The following TOM1L1 variants were observed in gnomAD, a reference collection of about 807,000 sequenced individuals.
The protein encoded by TOM1L1 is target of myb1 like 1 membrane trafficking protein, also known as TOM1-like protein 1.
Under a neutral mutation model 63.4 loss-of-function variants are expected in TOM1L1, and 64 were observed. The observed-to-expected ratio is 1.01, with a 90% CI of 0.83 to 1.24. The LOEUF (loss-of-function observed/expected upper bound fraction) is 1.24. Ranked by LOEUF, TOM1L1 falls within the 50% of genes most tolerant of loss-of-function variation. TOM1L1 has a pLI of 0.00. For synonymous variants in TOM1L1, 166 were observed against 194.4 expected (o/e 0.85, Z 1.22); for missense variants, 536 against 567.0 (o/e 0.95, Z 0.55).
At chr17:54,947,141 C>CA (rs1273629286) in intron 11 of TOM1L1, 120 bp from the exon 12 acceptor site, 2 of 875,124 alleles carry the variant, frequency 2.3e-6, no homozygotes, top group Non-Finnish European at 3.7e-6. Context: ...TACAAAATGA[C>CA]ACTTTATGCA....
Position 54,949,552 on chromosome 17 carries a change from CAGTT to C in TOM1L1, c.1221_1224del (p.Ser408TyrfsTer23). 1.2e-6 allele frequency: 2 copies of C among 1,613,962 alleles called. No individual in the cohort carries two copies. Among genetic ancestry groups the C allele is most frequent in the East Asian group, 2.2e-5 (1 of 44,876 alleles). Reference sequence around the variant, plus strand: ...CATTCAAATTCAGTGTTTCTACAGCCAGTTAGTCTACAAACCATTGCAGCAGCAC... The same window carrying C: ...CATTCAAATTCAGTGTTTCTACAGCCAGTCTACAAACCATTGCAGCAGCAC... On this transcript the variant is annotated frameshift_variant, in exon 13 of 16. Transcript: ENST00000575882. LOFTEE classifies it high-confidence loss of function.
At chr17:54,909,025 G>A (rs538326619) in intron 3 of TOM1L1, among the ~76,000 whole-genome samples, 7 of 152,284 alleles carry the variant, frequency 4.6e-5, no homozygotes, top group South Asian at 4.1e-4. Flanking sequence ...TTGGGAGGCC[G>A]AGGAGGGTAG....
chr17:54,915,714 G>C (rs376674312), intron 6 of TOM1L1, 32 bp from the exon 7 acceptor site: 1 of 1,461,738 alleles, frequency 6.8e-7, no homozygotes. Flanking sequence ...TTTGTGTGTC[G>C]CACTGACTGG....
At chr17:54,931,439 T>C (rs1598032814) in intron 8 of TOM1L1, among the ~76,000 whole-genome samples, 1 of 152,214 alleles carries the variant, frequency 6.6e-6, no homozygotes, top group Non-Finnish European at 1.5e-5. Context: ...ATTTAACCTT[T>C]ACATTTATTG....
intron 8 of TOM1L1, among the ~76,000 whole-genome samples, chr17:54,932,431 G>A (rs575180398): frequency 2.6e-5 from 4 of 152,070 alleles, no homozygotes; most frequent in African/African-American, 2.4e-5. Flanking sequence ...GTGTGGCGCC[G>A]GGCTGTCTGC....
At chr17:54,914,520 T>G in intron 5 of TOM1L1, 119 bp from the exon 6 acceptor site, 1 of 726,282 alleles carries the variant, frequency 1.4e-6, no homozygotes, top group Admixed American at 2.1e-5. Flanking sequence ...TGATTTACTC[T>G]GGGCAGATAC....
chr17:54,927,875 C>G (rs970127044), intron 7 of TOM1L1, among the ~76,000 whole-genome samples: 2 of 152,192 alleles, frequency 1.3e-5, no homozygotes, highest in African/African-American at 2.4e-5. Flanking sequence ...TGTGCTACTC[C>G]TTTCATGTTT....
intron 7 of TOM1L1, among the ~76,000 whole-genome samples, chr17:54,929,737 A>G (rs965389501): frequency 8.7e-6 from 1 of 115,104 alleles, no homozygotes; most frequent in Non-Finnish European, 1.9e-5. Flanking sequence ...TTTAAAAAAC[A>G]TGTGTTTTTT....
At chr17:54,961,081 C>T in intron 15 of TOM1L1, 154 bp from the exon 16 acceptor site, 1 of 645,014 alleles carries the variant, frequency 1.6e-6, no homozygotes, top group Middle Eastern at 2.5e-4. Flanking sequence ...TTATTTATTC[C>T]CCTTATACCC....
chr17:54,934,381 T>G (rs2048912885), intron 8 of TOM1L1, among the ~76,000 whole-genome samples: 1 of 152,230 alleles, frequency 6.6e-6, no homozygotes, highest in Admixed American at 6.5e-5. Flanking sequence ...ACTAGCAAAC[T>G]TCATTCTTTT....
intron 12 of TOM1L1, among the ~76,000 whole-genome samples, chr17:54,948,934 G>A (rs1033105580): frequency 6.6e-6 from 1 of 152,168 alleles, no homozygotes; most frequent in Non-Finnish European, 1.5e-5. Context: ...TCTGGCCTGA[G>A]CCATTGAATC....
At chr17:54,951,873 A>G (rs993581317) in intron 14 of TOM1L1, 1 of 152,206 alleles carries the variant, frequency 6.6e-6, no homozygotes, top group African/African-American at 2.4e-5. Flanking sequence ...GGATAGTAAC[A>G]GATATCTGAC....
intron 11 of TOM1L1, among the ~76,000 whole-genome samples, chr17:54,939,238 G>T (rs2048999711): frequency 6.6e-6 from 1 of 152,214 alleles, no homozygotes; most frequent in Non-Finnish European, 1.5e-5. Context: ...GTTGGGCATT[G>T]TGGCATATGC....
chr17:54,946,247 G>A (rs2049116621), intron 11 of TOM1L1, among the ~76,000 whole-genome samples: 1 of 152,184 alleles, frequency 6.6e-6, no homozygotes, highest in Non-Finnish European at 1.5e-5. Context: ...GTCAGGGGGT[G>A]AGCTCAGTAT....
intron 1 of TOM1L1, among the ~76,000 whole-genome samples, chr17:54,901,463 G>T (rs1223817864): frequency 6.6e-6 from 1 of 152,150 alleles, no homozygotes; most frequent in African/African-American, 2.4e-5. Flanking sequence ...TTGGAGTGAA[G>T]AGGAGGGGAA....
chr17:54,923,946 T>G (rs2048725533), intron 7 of TOM1L1, among the ~76,000 whole-genome samples: 1 of 151,964 alleles, frequency 6.6e-6, no homozygotes, highest in Non-Finnish European at 1.5e-5. Context: ...GAGCTAAGAT[T>G]GCACCACCGT....
chr17:54,940,409 T>C (rs1459791033), intron 11 of TOM1L1, among the ~76,000 whole-genome samples: 1 of 152,364 alleles, frequency 6.6e-6, no homozygotes, highest in East Asian at 1.9e-4. Context: ...GTAACTCTTA[T>C]AGGGGCAGGT....
chr17:54,946,322 T>C (rs1417089160), intron 11 of TOM1L1, among the ~76,000 whole-genome samples: 3 of 152,158 alleles, frequency 2.0e-5, no homozygotes, highest in Non-Finnish European at 4.4e-5. Context: ...TCTGGTACTT[T>C]CTAGTTTCCT....
intron 11 of TOM1L1, among the ~76,000 whole-genome samples, chr17:54,946,158 C>T (rs2049115109): frequency 6.6e-6 from 1 of 152,158 alleles, no homozygotes; most frequent in Admixed American, 6.5e-5. Context: ...ATCCTGTGGT[C>T]AGTCTAAGGT....
Sources: gnomAD v4.1 joint callset for allele counts (sites outside exome capture counted in the v4.1 genomes callset) on GRCh38, gnomAD v4.1.1 for gene constraint, MANE v1.5 for transcripts, NCBI Gene and HGNC (gene_info 2026-07-23, HGNC 2026-07-21) for gene names.